VSTM4: variants seen among roughly 807,000 people sequenced by gnomAD.
VSTM4 encodes V-set and transmembrane domain containing 4.
A neutral mutation model predicts 36.4 loss-of-function variants in VSTM4; 20 were observed. The ratio of observed to expected loss-of-function variants is 0.55; its 90% confidence interval spans 0.39 to 0.80. VSTM4 has a LOEUF of 0.80. VSTM4 is among the 30% of genes least tolerant of loss of function. The pLI, the probability that VSTM4 is intolerant of heterozygous loss-of-function variation, is 0.00. For synonymous variants in VSTM4, 182 were observed against 173.9 expected (o/e 1.05, Z -0.37); for missense variants, 392 against 404.5 (o/e 0.97, Z 0.26).
At chr10:49,084,700 C>T (rs931418070) in intron 3 of VSTM4, among the ~76,000 whole-genome samples, 8 of 152,210 alleles carry the variant, frequency 5.3e-5, no homozygotes, top group African/African-American at 1.9e-4. Context: ...TTACAAAGTT[C>T]CTGACCACCT....
rs550410029 is a variant in VSTM4 at position 49,019,816 on chromosome 10, C to T, written c.838-41G>A. The T allele has an allele frequency of 6.3e-6, 10 of 1,591,600 alleles. No individual in the cohort carries two copies. The Admixed American group carries it at 1.5e-4, about 25-fold the overall frequency. ...CAAAACAAAACACAATTCTAGCTGA[C>T]CACAGGAGCTCTACATCACACATTC... On this transcript the variant is annotated intron_variant, in intron 7 of 7. Coordinates refer to ENST00000332853, the MANE Select transcript of VSTM4 (RefSeq NM_001031746.5).
chr10:49,080,789 G>A (rs1362139777), intron 3 of VSTM4, among the ~76,000 whole-genome samples: 1 of 152,202 alleles, frequency 6.6e-6, no homozygotes, highest in African/African-American at 2.4e-5. Flanking sequence ...GGAAAGTCTT[G>A]GAGGAAAGCC....
chr10:49,023,953 C>G (rs1003629831), intron 7 of VSTM4, among the ~76,000 whole-genome samples: 2 of 152,102 alleles, frequency 1.3e-5, no homozygotes, highest in Admixed American at 6.5e-5. Flanking sequence ...AGACCCGGAC[C>G]GAGTTTTACA....
chr10:49,084,478 T>G (rs1272080308), intron 3 of VSTM4, among the ~76,000 whole-genome samples: 1 of 152,220 alleles, frequency 6.6e-6, no homozygotes, highest in Non-Finnish European at 1.5e-5. Flanking sequence ...TAAGACAGAA[T>G]GTGTTTCAGT....
At chr10:49,076,305 C>T (rs1844177000) in intron 4 of VSTM4, among the ~76,000 whole-genome samples, 2 of 152,324 alleles carry the variant, frequency 1.3e-5, no homozygotes, top group Non-Finnish European at 2.9e-5. Flanking sequence ...CAGGTTTTAG[C>T]ATCTTTCTTT....
At chr10:49,071,214 G>A (rs1844073433) in intron 4 of VSTM4, among the ~76,000 whole-genome samples, 1 of 152,258 alleles carries the variant, frequency 6.6e-6, no homozygotes, top group Non-Finnish European at 1.5e-5. Flanking sequence ...TCTAGTTCGA[G>A]TTTGTGCCTT....
intron 2 of VSTM4, among the ~76,000 whole-genome samples, chr10:49,093,848 CGCCGTCCTCCT>C (rs1020971180): frequency 3.4e-4 from 51 of 150,054 alleles, no homozygotes; most frequent in Admixed American, 2.0e-4. Flanking sequence ...CCCGGGTTCA[CGCCGTCCTCCT>C]GCCTCAGCCT....
chr10:49,034,206 CAT>C (rs1266784233), intron 7 of VSTM4, among the ~76,000 whole-genome samples: 2 of 137,986 alleles, frequency 1.4e-5, no homozygotes, highest in Non-Finnish European at 3.3e-5. Flanking sequence ...TCATCACCAT[CAT>C]CACCATCACT....
intron 4 of VSTM4, among the ~76,000 whole-genome samples, chr10:49,067,994 G>A (rs1342803872): frequency 1.3e-5 from 2 of 151,992 alleles, no homozygotes; most frequent in Admixed American, 6.5e-5. Context: ...CATAATACAA[G>A]GTAAATGCTA....
Position 49,017,759 on chromosome 10 carries a change from C to T in VSTM4, c.*1891G>A, listed in dbSNP as rs893215322. 24 of 152,264 alleles carry T rather than the reference C, an allele frequency of 1.6e-4. No homozygotes were observed. The highest frequency in any genetic ancestry group is 5.8e-4 in the African/African-American group (24 of 41,536). 9.4% of individuals were successfully genotyped at this position (152,264 alleles called of 1,614,324 possible). ...CCCAGAGCCCCACAAACCCATAAGG[C>T]TCTTTGGGCAAATTAGGAGATCATC... On this transcript the variant is annotated 3_prime_UTR_variant, in exon 8 of 8. Coordinates refer to ENST00000332853, the MANE Select transcript of VSTM4 (RefSeq NM_001031746.5).
At position 49,109,132 on chromosome 10, in the gene VSTM4, C is replaced by A. The variant is rs976302609; in HGVS notation, c.56-1137G>T. Among the ~76,000 whole-genome samples, 7 of 152,220 alleles carry A rather than the reference C, an allele frequency of 4.6e-5. No individual in the cohort carries two copies. The East Asian group carries it at 5.8e-4, about 13-fold the overall frequency. ...AGGAAGCCATTCGCCTCCACCCCCC[C>A]ACACAAGCAGGTGTCCCCATGGTCA... On this transcript the variant is annotated intron_variant, in intron 1 of 7. Coordinates refer to ENST00000332853, the MANE Select transcript of VSTM4 (RefSeq NM_001031746.5).
At chr10:49,077,427 G>A (rs1186714310) in intron 3 of VSTM4, 101 bp from the exon 4 acceptor site, 2 of 1,064,614 alleles carry the variant, frequency 1.9e-6, no homozygotes, top group East Asian at 2.6e-5. Flanking sequence ...AAATCCCAGT[G>A]CTACAGTCAA....
chr10:49,040,452 T>C (rs1843503491), intron 7 of VSTM4, among the ~76,000 whole-genome samples: 1 of 152,142 alleles, frequency 6.6e-6, no homozygotes, highest in East Asian at 1.9e-4. Context: ...CCGGCTAATT[T>C]TTTTTGTAAT....
chr10:49,077,178 G>A, intron 4 of VSTM4, 41 bp downstream of exon 4: 2 of 1,595,296 alleles, frequency 1.3e-6, no homozygotes, highest in Non-Finnish European at 1.7e-6. Context: ...TGTGGTCGGG[G>A]TGTGCTCCCA....
At chr10:49,046,791 A>G (rs932201631) in intron 7 of VSTM4, among the ~76,000 whole-genome samples, 192 bp downstream of exon 7, 2 of 152,200 alleles carry the variant, frequency 1.3e-5, no homozygotes, top group African/African-American at 2.4e-5. Flanking sequence ...ATTTTTAAAG[A>G]GTTACTCTGG....
intron 5 of VSTM4, among the ~76,000 whole-genome samples, chr10:49,056,327 A>G (rs1052363945): frequency 2.0e-5 from 3 of 152,186 alleles, no homozygotes; most frequent in Non-Finnish European, 4.4e-5. Context: ...TGAGATCAGG[A>G]GATACTTTAG....
chr10:49,101,578 A>G (rs1291782284), intron 2 of VSTM4, among the ~76,000 whole-genome samples: 1 of 152,260 alleles, frequency 6.6e-6, no homozygotes, highest in Non-Finnish European at 1.5e-5. Context: ...ATTGTGATAA[A>G]TAATGGAAAA....
chr10:49,060,573 T>A (rs1450854424), intron 5 of VSTM4, among the ~76,000 whole-genome samples: 4 of 152,232 alleles, frequency 2.6e-5, no homozygotes, highest in African/African-American at 9.6e-5. Context: ...TATTGAGTTG[T>A]GAGAGGTCTT....
At chr10:49,030,876 A>T (rs192072849) in intron 7 of VSTM4, among the ~76,000 whole-genome samples, 1 of 152,298 alleles carries the variant, frequency 6.6e-6, no homozygotes, top group African/African-American at 2.4e-5. Context: ...TCACCAACAT[A>T]TGTTTTGGAA....
Sources: allele counts gnomAD v4.1 joint callset (sites outside exome capture counted in the v4.1 genomes callset), GRCh38; gene constraint gnomAD v4.1.1; transcripts MANE v1.5; gene names NCBI Gene and HGNC (gene_info 2026-07-23, HGNC 2026-07-21).